The following AOPEP variants were observed in gnomAD, a reference collection of about 807,000 sequenced individuals.
AOPEP encodes aminopeptidase O.
In AOPEP, 77 loss-of-function variants were observed where a neutral mutation model predicts 98.1. The ratio of observed to expected loss-of-function variants is 0.78; its 90% CI spans 0.65 to 0.95. The LOEUF (loss-of-function observed/expected upper bound fraction) is 0.95, where lower values mean the gene tolerates loss of function less well. Among genes scored for constraint, AOPEP ranks in the 40% least tolerant of loss-of-function variants. The pLI is 0.00. For synonymous variants in AOPEP, 346 were observed against 365.3 expected (o/e 0.95, Z 0.60); for missense variants, 1,024 against 1,024.7 (o/e 1.00, Z 0.01).
At chr9:94,738,723 G>T (rs554721370) in intron 1 of AOPEP, among the ~76,000 whole-genome samples, 1 of 152,192 alleles carries the variant, frequency 6.6e-6, no homozygotes, top group South Asian at 2.1e-4. Flanking sequence ...ACAGGCGCCC[G>T]CCACCACGCT....
chr9:94,930,064 G>A lies in AOPEP; in HGVS notation c.1661+1533G>A, dbSNP rs539012236. Among the ~76,000 whole-genome samples the A allele has an allele frequency of 6.6e-6, 1 of 152,332 alleles. No individual in the cohort carries two copies. The highest frequency in any genetic ancestry group is 1.9e-4 in the East Asian group (1 of 5,182). On this transcript the variant is annotated intron_variant, in intron 7 of 16. Coordinates refer to ENST00000375315, the MANE Select transcript of AOPEP (RefSeq NM_001193329.3). The surrounding 1 kb of genome is among the most constrained non-coding windows in gnomAD (Gnocchi z 4.5). The stretch of plus-strand genomic sequence containing the variant: ...CTTCAGCAGGAAGGTGGTATGATCT[G>A]CTCAGTATTTGGACGGTGCTGCTCT...
intron 7 of AOPEP, among the ~76,000 whole-genome samples, chr9:94,936,353 A>G (rs1327599946): frequency 3.3e-5 from 5 of 151,788 alleles, no homozygotes; most frequent in Admixed American, 1.3e-4. Context: ...TAGCTCAGAG[A>G]CCCCTCCTGT....
intron 14 of AOPEP, among the ~76,000 whole-genome samples, chr9:95,074,099 C>CA (rs2068794996): frequency 1.3e-5 from 2 of 152,176 alleles, no homozygotes. Flanking sequence ...CAGTGAGCCC[C>CA]ATCCTCATAG....
chr9:94,898,897 C>T (rs1274287644), intron 5 of AOPEP, among the ~76,000 whole-genome samples: 1 of 151,928 alleles, frequency 6.6e-6, no homozygotes, highest in Non-Finnish European at 1.5e-5. Flanking sequence ...GAGCCGAGAT[C>T]ACGCCATTGC....
At chr9:95,087,286 CA>C (rs1397650337), downstream of AOPEP, 5 of 151,594 alleles carry the variant, frequency 3.3e-5, no homozygotes, top group African/African-American at 1.2e-4. Context: ...AGATCGAGAC[CA>C]TCCTGGCTAA....
chr9:95,116,400 C>A, the AOPEP span, among the ~76,000 whole-genome samples: 1 of 152,348 alleles, frequency 6.6e-6, no homozygotes, highest in East Asian at 1.9e-4. Context: ...TGGGCAAGAA[C>A]CTACATCTTC....
chr9:94,883,327 A>G (rs1351289891), intron 5 of AOPEP, among the ~76,000 whole-genome samples: 1 of 152,266 alleles, frequency 6.6e-6, no homozygotes, highest in African/African-American at 2.4e-5. Context: ...TTCAGAATCA[A>G]AACAGATTCA....
chr9:94,730,797 C>G (rs907349243), intron 1 of AOPEP, among the ~76,000 whole-genome samples: 2 of 152,132 alleles, frequency 1.3e-5, no homozygotes, highest in African/African-American at 4.8e-5. Context: ...TAGTCATCAT[C>G]ACAGTGGTTA....
chr9:94,834,334 A>G (rs895195903), intron 5 of AOPEP, among the ~76,000 whole-genome samples: 2 of 152,244 alleles, frequency 1.3e-5, no homozygotes, highest in African/African-American at 4.8e-5. Flanking sequence ...CCAACCAATT[A>G]CAGCGTGTGG....
chr9:95,109,104 A>AG, the AOPEP span, among the ~76,000 whole-genome samples: 1 of 151,774 alleles, frequency 6.6e-6, no homozygotes, highest in African/African-American at 2.4e-5. Context: ...TTGTAGAGAC[A>AG]GGGGTCTATG....
chr9:94,955,794 C>T lies in AOPEP; in HGVS notation c.1765-114C>T, dbSNP rs556809850. 165 of 665,612 alleles carry T rather than the reference C, an allele frequency of 2.5e-4. 1 individual carries two copies. In the Middle Eastern group the frequency reaches 3.5e-3, roughly 14 times the overall value. The allele number at this position is 665,612 out of a possible 1,614,324, so 41.2% of individuals were successfully genotyped here. Reference sequence around the variant, plus strand: ...AAAGGGCAGCCAGGGACAGGTAGGACGGCACATTCTAGATGCACAAGTGCA... The same window carrying T: ...AAAGGGCAGCCAGGGACAGGTAGGATGGCACATTCTAGATGCACAAGTGCA... On this transcript the variant is annotated intron_variant, in intron 8 of 16. Transcript: ENST00000375315.
intron 13 of AOPEP, among the ~76,000 whole-genome samples, chr9:95,023,955 T>C (rs1297811542): frequency 2.6e-5 from 4 of 152,226 alleles, no homozygotes; most frequent in African/African-American, 9.7e-5. Flanking sequence ...GCCATAACAT[T>C]ACTTGATAAT....
intron 7 of AOPEP, among the ~76,000 whole-genome samples, chr9:94,941,193 C>T (rs1224650548): frequency 6.6e-6 from 1 of 152,240 alleles, no homozygotes; most frequent in African/African-American, 2.4e-5. Context: ...TCTGGCTCTT[C>T]TCTGTAAAGC....
rs1004347011 is a variant in AOPEP, at chr9:94,981,495, G to T, written c.1977+2068G>T. 5.3e-5 allele frequency among the ~76,000 whole-genome samples: 8 copies of T among 152,256 alleles called. No individual in the cohort carries two copies. The East Asian group carries it at 1.5e-3, about 29-fold the overall frequency. On this transcript the variant is annotated intron_variant, in intron 11 of 16. Transcript: ENST00000375315. The stretch of plus-strand genomic sequence containing the variant: ...CAGACAGAAAAGACCCTGATTTAGC[G>T]CATGATTGGTGGGTGATCAGATGGT...
intron 7 of AOPEP, among the ~76,000 whole-genome samples, chr9:94,937,871 C>G (rs1409173686): frequency 8.6e-5 from 13 of 152,028 alleles, no homozygotes; most frequent in Admixed American, 7.9e-4. Context: ...CCTACAAGAA[C>G]AATTTCTTTT....
intron 5 of AOPEP, 85 bp from the exon 6 acceptor site, chr9:94,923,901 C>T: frequency 1.1e-6 from 1 of 915,152 alleles, no homozygotes; most frequent in Non-Finnish European, 1.5e-6. Flanking sequence ...AACAGGCTTG[C>T]CAGGCTAGGA....
chr9:94,776,042 G>C (rs1842021651), intron 3 of AOPEP, among the ~76,000 whole-genome samples: 1 of 151,640 alleles, frequency 6.6e-6, no homozygotes, highest in Admixed American at 6.6e-5. Context: ...ACATTTACGT[G>C]GTTCATTTAT....
intron 5 of AOPEP, among the ~76,000 whole-genome samples, chr9:94,914,800 A>G (rs1207491508): frequency 6.6e-6 from 1 of 152,216 alleles, no homozygotes; most frequent in Non-Finnish European, 1.5e-5. Flanking sequence ...GGAACTTCAC[A>G]GAAATGCAGG....
At chr9:94,737,053 A>G (rs1337955922) in intron 1 of AOPEP, among the ~76,000 whole-genome samples, 1 of 152,178 alleles carries the variant, frequency 6.6e-6, no homozygotes, top group Non-Finnish European at 1.5e-5. Flanking sequence ...CTGGAGTGAA[A>G]GGATATGTCA....
Sources: allele counts gnomAD v4.1 joint callset (sites outside exome capture counted in the v4.1 genomes callset), GRCh38; gene constraint gnomAD v4.1.1; non-coding constraint Gnocchi (gnomAD v3.1); transcripts MANE v1.5; gene names NCBI Gene and HGNC (gene_info 2026-07-23, HGNC 2026-07-21).